Variants in MYH10 observed in about 807,000 individuals in gnomAD.
MYH10 encodes the protein myosin-10.
MYH10 carries 55 observed loss-of-function variants against 257.8 expected under a neutral mutation model. The ratio of observed to expected loss-of-function variants is 0.21; its 90% CI spans 0.17 to 0.27. The LOEUF is 0.27. Among genes scored for constraint, MYH10 ranks in the 10% least tolerant of loss-of-function variants. The pLI, the probability that MYH10 is intolerant of heterozygous loss-of-function variation, is 1.00. For synonymous variants in MYH10, 854 were observed against 921.7 expected, an observed-to-expected ratio of 0.93 and a Z score of 1.33; for missense variants, 1,631 against 2,500.6, an observed-to-expected ratio of 0.65 and a Z score of 7.42.
chr17:8,524,903 G>A (rs2081793344), intron 17 of MYH10, among the ~76,000 whole-genome samples: 1 of 152,170 alleles, frequency 6.6e-6, no homozygotes, highest in South Asian at 2.1e-4. Flanking sequence ...CCACACTCAT[G>A]AGCTGGGTGA....
chr17:8,536,894 A>G (rs2082157547), intron 14 of MYH10, among the ~76,000 whole-genome samples: 1 of 152,020 alleles, frequency 6.6e-6, no homozygotes, highest in Admixed American at 6.6e-5. Flanking sequence ...GTGACCACTA[A>G]TGGGTATGAG....
At chr17:8,538,538 T>C (rs189171664) in intron 14 of MYH10, among the ~76,000 whole-genome samples, 50 of 152,350 alleles carry the variant, frequency 3.3e-4, no homozygotes, top group African/African-American at 1.1e-3. Flanking sequence ...CAGATATTTC[T>C]ATGAATAAGT....
At chr17:8,544,593 C>T (rs1381899686) in intron 13 of MYH10, among the ~76,000 whole-genome samples, 1 of 152,036 alleles carries the variant, frequency 6.6e-6, no homozygotes, top group East Asian at 1.9e-4. Flanking sequence ...TAAAGGGGTT[C>T]ATTTTAAAAT....
At position 8,504,942 on chromosome 17, in the gene MYH10, A is replaced by T. The variant is rs1336249661; in HGVS notation, c.3387-36T>A. ...ACCCAGGCGCAAGAGGCACTCAGAG[A>T]TGGCACCCGGATGGCCTGTTTCTCA... On this transcript the variant is annotated intron_variant, in intron 27 of 42. Coordinates refer to ENST00000360416, the MANE Select transcript of MYH10 (RefSeq NM_001256012.3). The surrounding 1 kb of genome is among the most constrained non-coding windows in gnomAD (Gnocchi z 5.6). 8 of 1,583,438 alleles carry T rather than the reference A, an allele frequency of 5.1e-6. No homozygotes were observed. The highest frequency in any genetic ancestry group is 6.9e-6 in the Non-Finnish European group (8 of 1,153,034).
intron 33 of MYH10, 67 bp from the exon 34 acceptor site, chr17:8,492,576 T>C (rs904416): frequency 0.99 from 1,470,558 of 1,478,732 alleles, 731,578 homozygotes; most frequent in East Asian, 1. Flanking sequence ...TCTTCCACCA[T>C]GTGGCTGATT....
intron 37 of MYH10, among the ~76,000 whole-genome samples, chr17:8,483,869 G>A (rs768548065): frequency 6.6e-6 from 1 of 152,252 alleles, no homozygotes; most frequent in African/African-American, 2.4e-5. Context: ...AGGCCAAGAA[G>A]GTGGCCTGAA....
At chr17:8,584,762 T>A (rs2152036296) in intron 4 of MYH10, among the ~76,000 whole-genome samples, 1 of 152,338 alleles carries the variant, frequency 6.6e-6, no homozygotes, top group South Asian at 2.1e-4. Flanking sequence ...TCTCAAAAGC[T>A]TAAGGAGATG....
chr17:8,617,848 AATT>A (rs1165027725), intron 2 of MYH10, among the ~76,000 whole-genome samples: 1 of 152,202 alleles, frequency 6.6e-6, no homozygotes, highest in African/African-American at 2.4e-5. Flanking sequence ...CACTCTTAGA[AATT>A]ATTAAGGACC....
At chr17:8,594,772 T>C (rs999631861) in intron 3 of MYH10, among the ~76,000 whole-genome samples, 5 of 152,192 alleles carry the variant, frequency 3.3e-5, no homozygotes, top group African/African-American at 9.7e-5. Flanking sequence ...CTCCCCTATA[T>C]TGAAACTTTA....
intron 40 of MYH10, 130 bp downstream of exon 40, chr17:8,479,980 T>A: frequency 1.2e-6 from 1 of 827,612 alleles, no homozygotes; most frequent in Non-Finnish European, 1.9e-6. Context: ...CACCAACTTC[T>A]GTGTCCCACT....
chr17:8,485,533 T>C (rs1216344738), intron 36 of MYH10, among the ~76,000 whole-genome samples: 1 of 150,486 alleles, frequency 6.6e-6, no homozygotes, highest in African/African-American at 2.4e-5. Flanking sequence ...AGAATTTATA[T>C]CCAGAATACA....
At chr17:8,556,428 T>C (rs1417236676) in intron 7 of MYH10, among the ~76,000 whole-genome samples, 2 of 152,238 alleles carry the variant, frequency 1.3e-5, no homozygotes, top group Non-Finnish European at 2.9e-5. Context: ...GGAACACTAC[T>C]GAGCGATGAC....
chr17:8,612,223 A>G (rs571947507), intron 2 of MYH10, among the ~76,000 whole-genome samples: 45 of 152,162 alleles, frequency 3.0e-4, no homozygotes, highest in Non-Finnish European at 6.3e-4. Context: ...GAATAGCCCC[A>G]AGCACAAGAG....
intron 4 of MYH10, among the ~76,000 whole-genome samples, chr17:8,578,243 C>CTTTCTT (rs1555608523): frequency 7.7e-6 from 1 of 129,220 alleles, no homozygotes; most frequent in Non-Finnish European, 1.6e-5. Flanking sequence ...TTCTTTCTTT[C>CTTTCTT]TTTTTTTTTT....
intron 3 of MYH10, among the ~76,000 whole-genome samples, chr17:8,603,482 A>G (rs1356674615): frequency 6.6e-6 from 1 of 152,214 alleles, no homozygotes; most frequent in African/African-American, 2.4e-5. Context: ...CTTCTATAGA[A>G]TACATCAAAG....
chr17:8,603,016 C>T (rs187258945), intron 3 of MYH10, among the ~76,000 whole-genome samples: 3 of 152,324 alleles, frequency 2.0e-5, no homozygotes, highest in Admixed American at 1.3e-4. Context: ...GAGGAGTTTT[C>T]ACCAGCAAAG....
At chr17:8,544,376 T>G (rs1443523501) in intron 13 of MYH10, among the ~76,000 whole-genome samples, 1 of 152,242 alleles carries the variant, frequency 6.6e-6, no homozygotes, top group Non-Finnish European at 1.5e-5. Context: ...GTGTTTTGTC[T>G]GTTTGTTGCA....
chr17:8,518,874 AC>A lies in MYH10; in HGVS notation c.2343+6del. 1 of 1,606,314 alleles carries A rather than the reference AC, an allele frequency of 6.2e-7. No individual in the cohort carries two copies. The highest frequency in any genetic ancestry group is 2.2e-5 in the East Asian group (1 of 44,840). ...TACAAGCCAGAAAAAGATCAAGAAA[AC>A]CTTACCATTCGTTCACAGGCCTGTT... On this transcript the variant is annotated splice_donor_region_variant and intron_variant, in intron 20 of 42. Coordinates refer to ENST00000360416, the MANE Select transcript of MYH10 (RefSeq NM_001256012.3).
chr17:8,479,881 C>T (rs11651129), intron 40 of MYH10, among the ~76,000 whole-genome samples: 77,417 of 151,986 alleles, frequency 0.51, 20,746 homozygotes, highest in Middle Eastern at 0.62. Context: ...CACGGGGCGC[C>T]GTCCTAAAGC....
Sources: gnomAD v4.1 joint callset for allele counts (sites outside exome capture counted in the v4.1 genomes callset) on GRCh38, gnomAD v4.1.1 for gene constraint, Gnocchi (gnomAD v3.1) non-coding constraint, MANE v1.5 for transcripts, NCBI Gene and HGNC (gene_info 2026-07-23, HGNC 2026-07-21) for gene names.